Variants in KYNU observed in about 807,000 individuals in gnomAD.
The protein encoded by KYNU is L-kynurenine hydrolase.
KYNU carries 54 observed loss-of-function variants against 59.2 expected under a neutral mutation model. The observed-to-expected ratio is 0.91, with a 90% CI of 0.73 to 1.14. KYNU has a LOEUF of 1.14. Among genes scored for constraint, KYNU ranks in the 50% most tolerant of loss-of-function variants. KYNU has a pLI of 0.00. For missense variants in KYNU, 567 were observed against 554.4 expected (o/e 1.02, Z -0.23); for synonymous variants, 177 against 192.0 (o/e 0.92, Z 0.65).
chr2:142,922,858 A>C (rs1316256157), intron 3 of KYNU, among the ~76,000 whole-genome samples: 1 of 152,322 alleles, frequency 6.6e-6, no homozygotes, highest in Non-Finnish European at 1.5e-5. Flanking sequence ...AAAATACCTG[A>C]GTCTGGATAA....
Position 143,054,920 on chromosome 2 carries a change from T to C in KYNU, c.*12748T>C, listed in dbSNP as rs1166179234. 2 of 152,194 alleles carry C rather than the reference T, an allele frequency of 1.3e-5. No homozygotes were observed. The highest frequency in any genetic ancestry group is 2.9e-5 in the Non-Finnish European group (2 of 68,022). The allele number at this position is 152,194 out of a possible 1,614,324, so 9.4% of individuals were successfully genotyped here. On this transcript the variant is annotated 3_prime_UTR_variant, in exon 14 of 14. Coordinates refer to ENST00000264170, the MANE Select transcript of KYNU (RefSeq NM_003937.3). ...AAGACCAACTATAAAAAGACATTGTTGTGAGAATTGAGGAAATTTGAATGA... is the reference window on the plus strand; with the variant it reads ...AAGACCAACTATAAAAAGACATTGTCGTGAGAATTGAGGAAATTTGAATGA...
In KYNU at chr2:143,054,467, A is replaced by G. The variant is rs1386627830; in HGVS notation, c.*12295A>G. 6.6e-6 allele frequency: 1 copy of G among 152,226 alleles called. No individual in the cohort carries two copies. Among genetic ancestry groups the G allele is most frequent in the Non-Finnish European group, 1.5e-5 (1 of 68,032 alleles). The allele number at this position is 152,226 out of a possible 1,614,324, so 9.4% of individuals were successfully genotyped here. A position where few individuals can be genotyped will look rare whatever the true frequency, so the allele number is the denominator to read the frequency against. On this transcript the variant is annotated 3_prime_UTR_variant, in exon 14 of 14. Transcript: ENST00000264170. ...TAACAGATTCAGGCAAAGATAAAAC[A>G]TTAAAGGAAAAGTTAGTGAAAACTA...
rs150630418 is a variant in KYNU, at chr2:143,024,751, A to G, written c.903-4876A>G. The stretch of plus-strand genomic sequence containing the variant: ...TGAGTTAATCGCTCCCAACTAACTC[A>G]GAGGATGTTGCATTTTTTCAATGTA... On this transcript the variant is annotated intron_variant, in intron 10 of 13. Coordinates refer to ENST00000264170, the MANE Select transcript of KYNU (RefSeq NM_003937.3). Among the ~76,000 whole-genome samples, 7 of 152,258 alleles carry G rather than the reference A, an allele frequency of 4.6e-5. No individual in the cohort carries two copies. In the East Asian group the frequency reaches 1.3e-3, roughly 29 times the overall value.
rs1273594750 is a variant in KYNU, at chr2:143,048,120, C to G, written c.*5948C>G. 1 of 152,102 alleles carries G rather than the reference C, an allele frequency of 6.6e-6. No homozygotes were observed. Among genetic ancestry groups the G allele is most frequent in the African/African-American group, 2.4e-5 (1 of 41,414 alleles). 9.4% of individuals were successfully genotyped at this position (152,102 alleles called of 1,614,324 possible). A position where few individuals can be genotyped will look rare whatever the true frequency, so the allele number is the denominator to read the frequency against. ...TTGACCTTCCAAAATGCTGGGATTA[C>G]GTGTGAGCCACCAAACCCAGCCCCT... On this transcript the variant is annotated 3_prime_UTR_variant, in exon 14 of 14. Transcript: ENST00000264170.
chr2:142,898,123 G>A (rs1681942633), intron 2 of KYNU, among the ~76,000 whole-genome samples: 1 of 152,092 alleles, frequency 6.6e-6, no homozygotes, highest in Admixed American at 6.6e-5. Flanking sequence ...CAAGTGATCT[G>A]CCCACCTTGG....
At chr2:142,989,623 A>G (rs1269975230) in intron 10 of KYNU, 4 of 434,834 alleles carry the variant, frequency 9.2e-6, no homozygotes, top group Non-Finnish European at 1.2e-5. Flanking sequence ...CTTTTTGACA[A>G]TTTGACTATA....
At chr2:143,010,458 A>G (rs1686057195) in intron 10 of KYNU, among the ~76,000 whole-genome samples, 1 of 116,216 alleles carries the variant, frequency 8.6e-6, no homozygotes, top group African/African-American at 4.0e-5. Context: ...GGTAGGAAGA[A>G]TCAATATCGT....
chr2:142,918,525 A>T, intron 2 of KYNU, 84 bp from the exon 3 acceptor site: 1 of 1,352,160 alleles, frequency 7.4e-7, no homozygotes, highest in Non-Finnish European at 1.0e-6. Flanking sequence ...AGTTGATTGT[A>T]TTAATTATTT....
At chr2:142,939,142 T>A (rs1039500728) in intron 4 of KYNU, among the ~76,000 whole-genome samples, 1 of 151,430 alleles carries the variant, frequency 6.6e-6, no homozygotes, top group Non-Finnish European at 1.5e-5. Context: ...ACTAAGACCC[T>A]GTCTCAAACA....
intron 11 of KYNU, among the ~76,000 whole-genome samples, chr2:143,032,315 A>C (rs1686775267): frequency 6.6e-6 from 1 of 150,888 alleles, no homozygotes; most frequent in Admixed American, 6.6e-5. Context: ...AACAAAAAAA[A>C]CTGCTGTTTT....
intron 2 of KYNU, among the ~76,000 whole-genome samples, chr2:142,914,443 T>A (rs6732064): frequency 2.6e-5 from 4 of 152,142 alleles, no homozygotes; most frequent in Non-Finnish European, 4.4e-5. Context: ...TCAGCCATCT[T>A]GAGCACCTCA....
At chr2:142,921,600 T>A (rs1240995707) in intron 3 of KYNU, among the ~76,000 whole-genome samples, 1 of 151,942 alleles carries the variant, frequency 6.6e-6, no homozygotes, top group Non-Finnish European at 1.5e-5. Context: ...AAAAGCCCAG[T>A]AGTTCCAGAC....
At position 142,939,602 on chromosome 2, in the gene KYNU, C is replaced by CAAAAA. The variant is rs71301737; in HGVS notation, c.373+11877_373+11881dup. Reference sequence around the variant, plus strand: ...GGTGACAGAGCGAGACTCCATCTCACAAAAAAAAAAAAAAAAAAAAGAAAA... The same window carrying CAAAAA: ...GGTGACAGAGCGAGACTCCATCTCACAAAAAAAAAAAAAAAAAAAAAAAAAGAAAA... On this transcript the variant is annotated intron_variant, in intron 4 of 13. Transcript: ENST00000264170. Among the ~76,000 whole-genome samples, 179 of 65,026 alleles carry CAAAAA rather than the reference C, an allele frequency of 2.8e-3. 4 individuals carry two copies. The highest frequency in any genetic ancestry group is 3.8e-3 in the East Asian group (10 of 2,642). 42.7% of individuals were successfully genotyped at this position (65,026 alleles called of 152,430 possible).
At chr2:142,878,775 C>T (rs1215066661) in intron 1 of KYNU, among the ~76,000 whole-genome samples, 2 of 152,122 alleles carry the variant, frequency 1.3e-5, no homozygotes, top group South Asian at 2.1e-4. Flanking sequence ...AAACCTAAAT[C>T]GAAGGCACAT....
rs1687342546 is a variant in KYNU, at chr2:143,055,681, AGG to A, written c.*13510_*13511del. ...AAGGAAGGAAGGAAGGAAGGAAGGA[AGG>A]AAAGGGAGGAGAGGAGAGGAGAGGT... is the stretch of plus-strand genomic sequence containing the variant. On this transcript the variant is annotated 3_prime_UTR_variant, in exon 14 of 14. Coordinates refer to ENST00000264170, the MANE Select transcript of KYNU (RefSeq NM_003937.3). The A allele has an allele frequency of 6.6e-6, 1 of 151,464 alleles. No homozygotes were observed. The highest frequency in any genetic ancestry group is 2.4e-5 in the African/African-American group (1 of 41,034). The allele number at this position is 151,464 out of a possible 1,614,324, so 9.4% of individuals were successfully genotyped here.
chr2:142,883,985 C>G (rs914614035), intron 1 of KYNU, among the ~76,000 whole-genome samples: 60 of 152,072 alleles, frequency 3.9e-4, no homozygotes, highest in African/African-American at 1.4e-3. Flanking sequence ...CTAACTAGCC[C>G]AAAGAAATTT....
intron 2 of KYNU, among the ~76,000 whole-genome samples, chr2:142,911,283 G>T (rs980251740): frequency 6.6e-6 from 1 of 152,034 alleles, no homozygotes; most frequent in African/African-American, 2.4e-5. Flanking sequence ...TCACCTCCTT[G>T]GTTAGATGTA....
At chr2:143,029,790 A>C in intron 11 of KYNU, 111 bp downstream of exon 11, 1 of 697,646 alleles carries the variant, frequency 1.4e-6, no homozygotes, top group Non-Finnish European at 2.6e-6. Flanking sequence ...GCACTTCAAA[A>C]ATGTCACTGA....
chr2:142,985,285 C>A, intron 9 of KYNU, 103 bp downstream of exon 9: 1 of 751,204 alleles, frequency 1.3e-6, no homozygotes. Context: ...GAGTTACTTT[C>A]CCTATTTCTT....
Sources: allele counts gnomAD v4.1 joint callset (sites outside exome capture counted in the v4.1 genomes callset), GRCh38; gene constraint gnomAD v4.1.1; transcripts MANE v1.5; gene names NCBI Gene and HGNC (gene_info 2026-07-23, HGNC 2026-07-21).